Variants in PPP3R1 observed in about 807,000 individuals in gnomAD.
The protein encoded by PPP3R1 is protein phosphatase 3 regulatory subunit B, alpha.
In PPP3R1, 5 loss-of-function variants were observed where a neutral mutation model predicts 22.6. The ratio of observed to expected loss-of-function variants is 0.22; its 90% CI spans 0.12 to 0.46. PPP3R1 has a LOEUF of 0.46. Ranked by LOEUF, PPP3R1 falls within the 20% of genes least tolerant of loss-of-function variation. The pLI is 0.99. For missense variants in PPP3R1, 61 were observed against 203.2 expected, an observed-to-expected ratio of 0.30 and a Z score of 4.25; for synonymous variants, 56 against 65.2, an observed-to-expected ratio of 0.86 and a Z score of 0.68.
chr2:68,204,324 TAC>T lies in PPP3R1; in HGVS notation c.43+12766_43+12767del, dbSNP rs569223565. ...GAATTGAATGACATATACATATATA[TAC>T]ACACACACACTATATATATATATTC... On this transcript the variant is annotated intron_variant, in intron 2 of 5. Coordinates refer to ENST00000234310, the MANE Select transcript of PPP3R1 (RefSeq NM_000945.4). Among the ~76,000 whole-genome samples, 216 of 80,158 alleles carry T rather than the reference TAC, an allele frequency of 2.7e-3. 1 individual carries two copies. The highest frequency in any genetic ancestry group is 0.011 in the African/African-American group (188 of 16,748). The allele number at this position is 80,158 out of a possible 152,430, so 52.6% of individuals were successfully genotyped here.
chr2:68,207,416 G>A (rs781114115), intron 2 of PPP3R1, among the ~76,000 whole-genome samples: 10 of 152,072 alleles, frequency 6.6e-5, no homozygotes, highest in Non-Finnish European at 1.3e-4. Flanking sequence ...TAAGTTCTGA[G>A]GATTAACTGA....
intron 2 of PPP3R1, among the ~76,000 whole-genome samples, chr2:68,194,015 G>A (rs1050260904): frequency 1.3e-5 from 2 of 151,984 alleles, no homozygotes; most frequent in Admixed American, 1.3e-4. Context: ...TTTTTCATAT[G>A]TTTTGCCAGG....
chr2:68,236,789 G>A (rs1670027443), intron 1 of PPP3R1, among the ~76,000 whole-genome samples: 1 of 152,112 alleles, frequency 6.6e-6, no homozygotes, highest in South Asian at 2.1e-4. Context: ...AAATGCCAGA[G>A]TAAGGAATGT....
At chr2:68,195,025 C>T (rs926263017) in intron 2 of PPP3R1, among the ~76,000 whole-genome samples, 4 of 152,056 alleles carry the variant, frequency 2.6e-5, no homozygotes, top group African/African-American at 7.2e-5. Context: ...GAACACTCTC[C>T]AAGTTTCACC....
intron 2 of PPP3R1, among the ~76,000 whole-genome samples, chr2:68,195,722 T>C (rs1674753060): frequency 6.6e-6 from 1 of 152,154 alleles, no homozygotes. Flanking sequence ...CAGTGCCTTC[T>C]CCACCATTTA....
At chr2:68,198,821 T>C (rs930721096) in intron 2 of PPP3R1, among the ~76,000 whole-genome samples, 5 of 152,172 alleles carry the variant, frequency 3.3e-5, no homozygotes, top group Non-Finnish European at 5.9e-5. Context: ...GCGGTATATA[T>C]CTTCATTTGT....
At chr2:68,186,059 T>C (rs1012887933) in intron 5 of PPP3R1, among the ~76,000 whole-genome samples, 1 of 152,236 alleles carries the variant, frequency 6.6e-6, no homozygotes, top group Non-Finnish European at 1.5e-5. Flanking sequence ...CTTTGTTATC[T>C]TTGCCTCTAC....
chr2:68,233,220 C>T (rs1669952686), intron 1 of PPP3R1, among the ~76,000 whole-genome samples: 1 of 152,190 alleles, frequency 6.6e-6, no homozygotes. Flanking sequence ...CATTAACTCA[C>T]TATACTTTAA....
At chr2:68,198,160 T>C (rs534940855) in intron 2 of PPP3R1, among the ~76,000 whole-genome samples, 1 of 142,848 alleles carries the variant, frequency 7.0e-6, no homozygotes, top group East Asian at 2.0e-4. Flanking sequence ...CACATATATG[T>C]AAATATATAC....
At position 68,251,701 on chromosome 2, in the gene PPP3R1, G is replaced by A. The variant is rs535301911; in HGVS notation, c.3+424C>T. ...TTTGCCACATATTGTTATTTCCAAA[G>A]GATTTCAGAATACCCTCGAACTCGA... On this transcript the variant is annotated intron_variant, in intron 1 of 5. Coordinates refer to ENST00000234310, the MANE Select transcript of PPP3R1 (RefSeq NM_000945.4). Among the ~76,000 whole-genome samples the A allele has an allele frequency of 8.5e-5, 13 of 152,260 alleles. No homozygotes were observed. The South Asian group carries it at 2.5e-3, about 29-fold the overall frequency.
chr2:68,216,056 A>C (rs984308490), intron 2 of PPP3R1, among the ~76,000 whole-genome samples: 50 of 152,186 alleles, frequency 3.3e-4, no homozygotes, highest in Non-Finnish European at 2.1e-4. Flanking sequence ...TTGTAATGGA[A>C]AACCATAGAG....
Position 68,187,273 on chromosome 2 carries a change from T to C in PPP3R1, c.262A>G (p.Lys88Glu). 1.2e-6 allele frequency: 2 copies of C among 1,610,568 alleles called. No individual in the cohort carries two copies. The highest frequency in any genetic ancestry group is 1.7e-6 in the Non-Finnish European group (2 of 1,178,036). ...GVSQFSVKGD[K>E]EQKLRFAFRI... ...TACTTACACCTCAATTTCTGCTCCT[T>C]ATCTCCTTTGACACTGAACTGAGAG... Residue 88 changes from lysine (K) to glutamate (E), a missense_variant, in exon 4 of 6, where the codon AAG becomes GAG. Physicochemically the swap from Lys to Glu is moderately conservative, Grantham distance 56. Coordinates refer to ENST00000234310, the MANE Select transcript of PPP3R1 (RefSeq NM_000945.4).
chr2:68,242,968 T>G (rs1670162357), intron 1 of PPP3R1, among the ~76,000 whole-genome samples: 1 of 152,222 alleles, frequency 6.6e-6, no homozygotes, highest in African/African-American at 2.4e-5. Context: ...TACTCTGTGT[T>G]CTTTAGAAAA....
At chr2:68,237,738 A>T (rs556502848) in intron 1 of PPP3R1, among the ~76,000 whole-genome samples, 1 of 152,122 alleles carries the variant, frequency 6.6e-6, no homozygotes, top group Admixed American at 6.6e-5. Flanking sequence ...TCATCTTTAT[A>T]CCTGAAACTA....
chr2:68,218,994 T>C (rs1182882209), intron 1 of PPP3R1, among the ~76,000 whole-genome samples: 1 of 152,156 alleles, frequency 6.6e-6, no homozygotes, highest in Non-Finnish European at 1.5e-5. Context: ...ATAACTCGTC[T>C]TGCTCCTAAA....
intron 2 of PPP3R1, among the ~76,000 whole-genome samples, chr2:68,188,954 G>A (rs1291795693): frequency 6.6e-6 from 1 of 152,008 alleles, no homozygotes; most frequent in South Asian, 2.1e-4. Flanking sequence ...ACATACATCC[G>A]CTGTATGCTG....
At chr2:68,202,406 T>TTTG (rs71906115) in intron 2 of PPP3R1, among the ~76,000 whole-genome samples, 2,548 of 146,230 alleles carry the variant, frequency 0.017, 27 homozygotes, top group South Asian at 0.056. Context: ...TTTTTCGTTT[T>TTTG]TTGTTGTTGT....
chr2:68,191,578 T>C (rs1674669816), intron 2 of PPP3R1, among the ~76,000 whole-genome samples: 2 of 152,238 alleles, frequency 1.3e-5, no homozygotes, highest in South Asian at 4.1e-4. Flanking sequence ...ACACTAATGA[T>C]GCATTACTCA....
In PPP3R1 at chr2:68,186,386, A is replaced by C. The variant is rs922026097; in HGVS notation, c.465+82T>G. 23 of 1,353,808 alleles carry C rather than the reference A, an allele frequency of 1.7e-5. No homozygotes were observed. The Admixed American group carries it at 3.1e-4, about 18-fold the overall frequency. The allele number at this position is 1,353,808 out of a possible 1,614,324, so 83.9% of individuals were successfully genotyped here. On this transcript the variant is annotated intron_variant, in intron 5 of 5. Coordinates refer to ENST00000234310, the MANE Select transcript of PPP3R1 (RefSeq NM_000945.4). The stretch of plus-strand genomic sequence containing the variant: ...CAAATACTTAAGTTTTTAGGACAAA[A>C]TATGGAAATTCTCTATTAAGTGGTT...
Sources: gnomAD v4.1 joint callset for allele counts (sites outside exome capture counted in the v4.1 genomes callset) on GRCh38, gnomAD v4.1.1 for gene constraint, MANE v1.5 for transcripts, NCBI Gene and HGNC (gene_info 2026-07-23, HGNC 2026-07-21) for gene names.